MBNL3: variants seen among roughly 807,000 people sequenced by gnomAD.
MBNL3 encodes muscleblind-like protein 3.
Under a neutral mutation model 24.5 loss-of-function variants are expected in MBNL3, and 6 were observed. That is an observed-to-expected ratio of 0.25 (90% CI 0.13 to 0.48). The LOEUF (loss-of-function observed/expected upper bound fraction) is 0.48. Ranked by LOEUF, MBNL3 falls within the 20% of genes least tolerant of loss-of-function variation. The pLI, the probability that MBNL3 is intolerant of heterozygous loss-of-function variation, is 0.99. For missense variants in MBNL3, 230 were observed against 293.5 expected, an observed-to-expected ratio of 0.78 and a Z score of 1.58; for synonymous variants, 100 against 101.7, an observed-to-expected ratio of 0.98 and a Z score of 0.10.
chrX:132,403,082 G>C (rs981502253), intron 3 of MBNL3, among the ~76,000 whole-genome samples: 1 of 111,728 alleles, frequency 9.0e-6, no homozygotes, highest in Admixed American at 9.5e-5. Flanking sequence ...GATTAAAAGG[G>C]ATAGAGAGTT....
At chrX:132,445,451 T>C (rs1053976620) in intron 1 of MBNL3, among the ~76,000 whole-genome samples, 1 of 111,039 alleles carries the variant, frequency 9.0e-6, no homozygotes, top group African/African-American at 3.3e-5. Flanking sequence ...AAAAAAAAAA[T>C]TGTCGTAAAA....
upstream of MBNL3, among the ~76,000 whole-genome samples, chrX:132,489,437 C>G (rs973674749): frequency 1.8e-4 from 20 of 111,743 alleles, no homozygotes; most frequent in African/African-American, 6.5e-4. Context: ...GGAGGCCGGG[C>G]GTGGGGCTCC....
chrX:132,466,204 T>G (rs997790004), intron 1 of MBNL3, among the ~76,000 whole-genome samples: 3 of 112,575 alleles, frequency 2.7e-5, no homozygotes, highest in Non-Finnish European at 3.8e-5. Flanking sequence ...CATAAGACAG[T>G]GAAAAAAGTA....
chrX:132,396,888 A>G (rs1348309709), intron 3 of MBNL3, among the ~76,000 whole-genome samples: 3 of 58,353 alleles, frequency 5.1e-5, no homozygotes, highest in Non-Finnish European at 8.8e-5. Context: ...ATATATATTC[A>G]TATATATATT....
At chrX:132,485,267 T>C (rs1267995295) in intron 1 of MBNL3, among the ~76,000 whole-genome samples, 2 of 111,646 alleles carry the variant, frequency 1.8e-5, no homozygotes, top group African/African-American at 6.5e-5. Context: ...CTCATGTACG[T>C]GTGTGTTTGT....
At chrX:132,412,487 G>T (rs893902184) in intron 2 of MBNL3, among the ~76,000 whole-genome samples, 3 of 112,647 alleles carry the variant, frequency 2.7e-5, no homozygotes, top group Non-Finnish European at 5.6e-5. Context: ...CCTTCTTGTG[G>T]CTCTCTAATG....
chrX:132,467,336 G>A (rs1003294079), intron 1 of MBNL3, among the ~76,000 whole-genome samples: 7 of 111,983 alleles, frequency 6.3e-5, no homozygotes, highest in Non-Finnish European at 1.1e-4. Flanking sequence ...AAAAGCTCTG[G>A]AGAATTAGTC....
chrX:132,462,776 A>G (rs987796965), intron 1 of MBNL3, among the ~76,000 whole-genome samples: 12 of 111,290 alleles, frequency 1.1e-4, no homozygotes, highest in Non-Finnish European at 2.3e-4. Flanking sequence ...AGCTAAAACT[A>G]CTCACACACT....
intron 2 of MBNL3, among the ~76,000 whole-genome samples, chrX:132,433,746 A>AC: frequency 9.4e-6 from 1 of 105,903 alleles, no homozygotes; most frequent in African/African-American, 3.5e-5. Flanking sequence ...TGATCTCCCC[A>AC]CCCCCGGGAC....
chrX:132,482,702 T>C (rs1393527755), intron 1 of MBNL3, among the ~76,000 whole-genome samples: 1 of 112,570 alleles, frequency 8.9e-6, no homozygotes, highest in Non-Finnish European at 1.9e-5. Context: ...ATTACAATGT[T>C]AATTTAATAA....
At chrX:132,449,464 C>CTTTTTTTTTTTTTTTTTTTTT (rs751006249) in intron 1 of MBNL3, among the ~76,000 whole-genome samples, 2 of 29,782 alleles carry the variant, frequency 6.7e-5, no homozygotes, top group African/African-American at 2.2e-4. Flanking sequence ...GCAACCCCTG[C>CTTTTTTTTTTTTTTTTTTTTT]TTTTTTTTTT....
intron 1 of MBNL3, among the ~76,000 whole-genome samples, chrX:132,450,933 C>T (rs1215017325): frequency 8.9e-6 from 1 of 112,364 alleles, no homozygotes; most frequent in African/African-American, 3.2e-5. Flanking sequence ...CTCTCTGCTG[C>T]ATGTCTGTTG....
rs1304533033 is a variant in MBNL3 at position 132,396,346 on chromosome X, ATATATATATATTCC to A, written c.343-4026_343-4013del. The stretch of plus-strand genomic sequence containing the variant: ...TATTCATATATATTCATATATATTC[ATATATATATATTCC>A]TATATATATTCATATATATTCATAT... On this transcript the variant is annotated intron_variant, in intron 3 of 8. Coordinates refer to ENST00000370853, the MANE Select transcript of MBNL3 (RefSeq NM_001386889.1). Among the ~76,000 whole-genome samples, 86 of 42,233 alleles carry A rather than the reference ATATATATATATTCC, an allele frequency of 2.0e-3. 1 individual carries two copies. The highest frequency in any genetic ancestry group is 0.013 in the African/African-American group (46 of 3,640). The allele number at this position is 42,233 out of a possible 115,157, so 36.7% of individuals were successfully genotyped here.
rs1253483890 is a variant in MBNL3 at position 132,378,318 on chromosome X, AT to A, written c.*1347del. On this transcript the variant is annotated 3_prime_UTR_variant, in exon 9 of 9. Coordinates refer to ENST00000370853, the MANE Select transcript of MBNL3 (RefSeq NM_001386889.1). ...GTTCTTTTGAATAAATCAAGGAATA[AT>A]TGTAAGTGCTTCCCTGTTCCCTGTC... is the stretch of plus-strand genomic sequence containing the variant. 55 of 111,300 alleles carry A rather than the reference AT, an allele frequency of 4.9e-4. No individual in the cohort carries two copies. The highest frequency in any genetic ancestry group is 1.6e-3 in the African/African-American group (48 of 30,634). The allele number at this position is 111,300 out of a possible 1,213,427, so 9.2% of individuals were successfully genotyped here.
At chrX:132,468,203 A>C (rs1422287271) in intron 1 of MBNL3, among the ~76,000 whole-genome samples, 1 of 112,707 alleles carries the variant, frequency 8.9e-6, no homozygotes, top group Non-Finnish European at 1.9e-5. Context: ...CAAACATTTT[A>C]AAAGCACTGA....
At position 132,470,384 on chromosome X, in the gene MBNL3, CA is replaced by C. The variant is rs199651467; in HGVS notation, c.-704+18466del. 1.9e-4 allele frequency among the ~76,000 whole-genome samples: 20 copies of C among 102,822 alleles called. No individual in the cohort carries two copies. In the South Asian group the frequency reaches 4.6e-3, roughly 24 times the overall value. The allele number at this position is 102,822 out of a possible 115,157, so 89.3% of individuals were successfully genotyped here. ...GTTGAATGAATAACAAATGCAAAAA[CA>C]AAAAAAAACACAAAACAAAAAAACT... On this transcript the variant is annotated intron_variant, in intron 1 of 8. Transcript: ENST00000370853.
intron 1 of MBNL3, among the ~76,000 whole-genome samples, chrX:132,457,632 A>G (rs773316902): frequency 9.0e-6 from 1 of 111,482 alleles, no homozygotes; most frequent in African/African-American, 3.3e-5. Context: ...TAAATCTGAC[A>G]GCCATATAAT....
At chrX:132,489,667 T>C (rs1220893867), upstream of MBNL3, 3 of 104,111 alleles carry the variant, frequency 2.9e-5, no homozygotes, top group East Asian at 9.5e-4. Flanking sequence ...CGAGGGGCTT[T>C]AGGCGCCAAA....
At chrX:132,427,413 T>C (rs888371719) in intron 2 of MBNL3, among the ~76,000 whole-genome samples, 1 of 111,601 alleles carries the variant, frequency 9.0e-6, no homozygotes, top group Non-Finnish European at 1.9e-5. Flanking sequence ...GCAGAAACAC[T>C]AGAGATTACA....
Sources: gnomAD v4.1 joint callset for allele counts (sites outside exome capture counted in the v4.1 genomes callset) on GRCh38, gnomAD v4.1.1 for gene constraint, MANE v1.5 for transcripts, NCBI Gene and HGNC (gene_info 2026-07-23, HGNC 2026-07-21) for gene names.